ULK4: variants seen among roughly 807,000 people sequenced by gnomAD.
The protein encoded by ULK4 is inactive serine/threonine-protein kinase ULK4.
A neutral mutation model predicts 160.6 loss-of-function variants in ULK4; 133 were observed. The observed-to-expected ratio is 0.83, with a 90% CI of 0.72 to 0.96. The LOEUF (loss-of-function observed/expected upper bound fraction) is 0.96. Among genes scored for constraint, ULK4 ranks in the 40% least tolerant of loss-of-function variants. The pLI, the probability that ULK4 is intolerant of heterozygous loss-of-function variation, is 0.00. For synonymous variants in ULK4, 534 were observed against 539.8 expected (o/e 0.99, Z 0.15); for missense variants, 1,580 against 1,499.5 (o/e 1.05, Z -0.89).
At chr3:41,287,750 C>T (rs920016580) in intron 35 of ULK4, among the ~76,000 whole-genome samples, 2 of 152,120 alleles carry the variant, frequency 1.3e-5, no homozygotes, top group Admixed American at 6.5e-5. Context: ...AACTTCACAC[C>T]CTCCTAGCAT....
intron 34 of ULK4, among the ~76,000 whole-genome samples, chr3:41,402,332 G>A (rs1490483770): frequency 1.3e-5 from 2 of 151,972 alleles, no homozygotes; most frequent in Admixed American, 6.6e-5. Context: ...CTTTTCCAAC[G>A]GGTATTCCTT....
At position 41,266,250 on chromosome 3, in the gene ULK4, A is replaced by T. The variant is rs183166772; in HGVS notation, c.3679-16676T>A. ...GGACAGGGTTGGGATCCTGGACTCAAAGGAGTTGTGACCACCATGTAGCAA... is the reference window on the plus strand; with the variant it reads ...GGACAGGGTTGGGATCCTGGACTCATAGGAGTTGTGACCACCATGTAGCAA... On this transcript the variant is annotated intron_variant, in intron 35 of 36. Transcript: ENST00000301831. Among the ~76,000 whole-genome samples, 10 of 152,302 alleles carry T rather than the reference A, an allele frequency of 6.6e-5. No individual in the cohort carries two copies. In the East Asian group the frequency reaches 1.9e-3, roughly 29 times the overall value.
At chr3:41,533,900 TG>T (rs1329805387) in intron 32 of ULK4, among the ~76,000 whole-genome samples, 2 of 152,208 alleles carry the variant, frequency 1.3e-5, no homozygotes, top group Non-Finnish European at 2.9e-5. Flanking sequence ...CTCCGCCTCC[TG>T]GGTTCACGCC....
At chr3:41,470,899 C>A (rs978792675) in intron 32 of ULK4, among the ~76,000 whole-genome samples, 6 of 151,816 alleles carry the variant, frequency 4.0e-5, no homozygotes, top group African/African-American at 1.5e-4. Context: ...CATCAAACTG[C>A]AAAGGAAGAC....
intron 32 of ULK4, among the ~76,000 whole-genome samples, chr3:41,491,637 G>A (rs936675758): frequency 3.3e-5 from 5 of 151,866 alleles, no homozygotes; most frequent in Admixed American, 6.6e-5. Flanking sequence ...ATTCCAGGTG[G>A]CCCAATGATT....
chr3:41,592,162 C>A (rs1370441057), intron 31 of ULK4, among the ~76,000 whole-genome samples: 1 of 152,224 alleles, frequency 6.6e-6, no homozygotes, highest in Non-Finnish European at 1.5e-5. Context: ...AAACGGGGAT[C>A]ATCCACCCTT....
At chr3:41,899,598 GA>G (rs1371551136) in intron 13 of ULK4, among the ~76,000 whole-genome samples, 1 of 152,126 alleles carries the variant, frequency 6.6e-6, no homozygotes, top group African/African-American at 2.4e-5. Flanking sequence ...AACATTGTAA[GA>G]TTTTTTTTTG....
intron 17 of ULK4, chr3:41,882,173 T>C (rs749645092): frequency 3.7e-5 from 26 of 702,178 alleles, no homozygotes; most frequent in Non-Finnish European, 5.5e-5. Context: ...GTTTTATTTA[T>C]TTTGAAATAT....
rs1258585029 is a variant in ULK4 at position 41,938,158 on chromosome 3, T to C, written c.178A>G (p.Thr60Ala). The C allele has an allele frequency of 6.2e-7, 1 of 1,613,414 alleles. No homozygotes were observed. Among genetic ancestry groups the C allele is most frequent in the East Asian group, 2.2e-5 (1 of 44,836 alleles). The change falls in exon 3 of 37, where the codon ACT becomes GCT. Residue 60 changes from threonine to alanine, a missense_variant. Transcript: ENST00000301831. ...CTTGTTTCATACCATTCATGAAAAG[T>C]TACAATATTCTTGTGTTTTATTTCA... is the stretch of plus-strand genomic sequence containing the variant. ...TREIKHKNIVTFHEWYETSNH... is the reference protein window; with the variant it reads ...TREIKHKNIVAFHEWYETSNH...
chr3:41,784,172 C>T (rs1250120260), intron 21 of ULK4, among the ~76,000 whole-genome samples: 1 of 151,968 alleles, frequency 6.6e-6, no homozygotes, highest in African/African-American at 2.4e-5. Flanking sequence ...TGGTGGCTCA[C>T]ACCTACAATC....
chr3:41,509,938 G>A (rs1427523406), intron 32 of ULK4, among the ~76,000 whole-genome samples: 1 of 152,072 alleles, frequency 6.6e-6, no homozygotes, highest in East Asian at 1.9e-4. Flanking sequence ...AGGCATTCAG[G>A]CAACAAATAG....
At chr3:41,827,986 T>G (rs2041427119) in intron 18 of ULK4, among the ~76,000 whole-genome samples, 1 of 152,082 alleles carries the variant, frequency 6.6e-6, no homozygotes, top group African/African-American at 2.4e-5. Context: ...GATGCAACGC[T>G]GGTTCAACAT....
intron 22 of ULK4, among the ~76,000 whole-genome samples, chr3:41,736,374 G>T (rs1007796358): frequency 6.6e-6 from 1 of 151,588 alleles, no homozygotes; most frequent in African/African-American, 2.4e-5. Context: ...ACTTTTTAAT[G>T]ATTGCCATTC....
chr3:41,802,850 C>T (rs544817731), intron 19 of ULK4, among the ~76,000 whole-genome samples: 5 of 152,052 alleles, frequency 3.3e-5, no homozygotes, highest in Non-Finnish European at 7.4e-5. Flanking sequence ...GTGATAAATT[C>T]GAGTTACACA....
chr3:41,814,078 G>A (rs927658015), intron 19 of ULK4, among the ~76,000 whole-genome samples: 46 of 152,138 alleles, frequency 3.0e-4, no homozygotes, highest in Non-Finnish European at 4.0e-4. Context: ...CACTGCAAAC[G>A]GGAGGTTTGT....
chr3:41,950,892 C>T (rs998418715), intron 2 of ULK4, among the ~76,000 whole-genome samples: 2 of 151,742 alleles, frequency 1.3e-5, no homozygotes, highest in Admixed American at 6.6e-5. Flanking sequence ...CACCTGTAAT[C>T]CCAGCACTTT....
chr3:41,701,721 A>G (rs1179683320), intron 27 of ULK4, among the ~76,000 whole-genome samples: 1 of 152,224 alleles, frequency 6.6e-6, no homozygotes, highest in Admixed American at 6.5e-5. Flanking sequence ...TATTTAAAAG[A>G]GAGAAACAAA....
intron 32 of ULK4, among the ~76,000 whole-genome samples, chr3:41,564,983 A>G (rs2087737009): frequency 6.6e-6 from 1 of 152,146 alleles, no homozygotes; most frequent in Non-Finnish European, 1.5e-5. Flanking sequence ...CACCTCTTCT[A>G]TGTTTAAATT....
chr3:41,750,397 T>C (rs1370487108), intron 22 of ULK4, among the ~76,000 whole-genome samples: 1 of 152,122 alleles, frequency 6.6e-6, no homozygotes, highest in African/African-American at 2.4e-5. Flanking sequence ...CAATTGGAAA[T>C]CCTCCTCCAT....
Sources: allele counts gnomAD v4.1 joint callset (sites outside exome capture counted in the v4.1 genomes callset), GRCh38; gene constraint gnomAD v4.1.1; transcripts MANE v1.5; gene names NCBI Gene and HGNC (gene_info 2026-07-23, HGNC 2026-07-21).